The following OPN1SW variants were observed in gnomAD, a reference collection of about 807,000 sequenced individuals.
OPN1SW encodes opsin 1, short wave sensitive.
A neutral mutation model predicts 31.9 loss-of-function variants in OPN1SW; 25 were observed. The ratio of observed to expected loss-of-function variants is 0.78; its 90% CI spans 0.57 to 1.09. The LOEUF is 1.09. Among genes scored for constraint, OPN1SW ranks in the 50% least tolerant of loss-of-function variants. The pLI, the probability that OPN1SW is intolerant of heterozygous loss-of-function variation, is 0.00. For synonymous variants in OPN1SW, 190 were observed against 171.9 expected, an observed-to-expected ratio of 1.11 and a Z score of -0.82; for missense variants, 424 against 448.0, an observed-to-expected ratio of 0.95 and a Z score of 0.48.
At chr7:128,774,472 T>C (rs2128885994) in intron 3 of OPN1SW, 26 bp downstream of exon 3, 10 of 1,613,140 alleles carry the variant, frequency 6.2e-6, no homozygotes, top group Non-Finnish European at 8.5e-6. Flanking sequence ...GAACCCCTTC[T>C]TCCCTGACTA....
rs1051802434 is a variant in OPN1SW at position 128,774,544 on chromosome 7, G to C, written c.632C>G (p.Ser211Cys). The change falls in exon 3 of 5, where the codon TCC becomes TGC. Residue 211 changes from serine to cysteine, a missense_variant. Coordinates refer to ENST00000249389, the MANE Select transcript of OPN1SW (RefSeq NM_001385125.1). ...CTGAGTGTAGGAGAAGCAGATGAGGGAGAGAGGCACAATGAAGCAGAAGAT... is the reference window on the plus strand; with the variant it reads ...CTGAGTGTAGGAGAAGCAGATGAGGCAGAGAGGCACAATGAAGCAGAAGAT... ...LFIFCFIVPLSLICFSYTQLL... is the reference protein window; with the variant it reads ...LFIFCFIVPLCLICFSYTQLL... 2 of 1,614,064 alleles carry C rather than the reference G, an allele frequency of 1.2e-6. No homozygotes were observed. The highest frequency in any genetic ancestry group is 2.7e-5 in the African/African-American group (2 of 75,034).
In OPN1SW at chr7:128,775,692, G is replaced by A. The variant is rs1241924850; in HGVS notation, c.90C>T (p.Ala30=). ...CCATGAAAGCTGCCTGGAGGTAGAA[G>A]GCCCAGACAGGGGCAATGTGGTACT... ...GPQYHIAPVW[A]FYLQAAFMGT... Residue 30 remains alanine (A), a synonymous_variant, in exon 1 of 5, where the codon GCC becomes GCT. Transcript: ENST00000249389. 2 of 1,614,152 alleles carry A rather than the reference G, an allele frequency of 1.2e-6. No individual in the cohort carries two copies. Among genetic ancestry groups the A allele is most frequent in the Non-Finnish European group, 8.5e-7 (1 of 1,180,028 alleles).
chr7:128,773,685 G>T lies in OPN1SW; in HGVS notation c.882C>A (p.Ile294=), dbSNP rs768201708. 2 of 1,614,220 alleles carry T rather than the reference G, an allele frequency of 1.2e-6. No individual in the cohort carries two copies. Among genetic ancestry groups the T allele is most frequent in the Admixed American group, 3.3e-5 (2 of 60,026 alleles). The change falls in exon 4 of 5, where the codon ATC becomes ATA. Residue 294 remains isoleucine, a synonymous_variant. Transcript: ENST00000249389. ...IPSFFSKSAC[I]YNPIIYCFMN... is the part of the protein sequence containing the mutation. ...TGAAGCAGTAGATGATGGGATTGTAGATGCAAGCACTCTTGGAGAAGAATG... is the reference window on the plus strand; with the variant it reads ...TGAAGCAGTAGATGATGGGATTGTATATGCAAGCACTCTTGGAGAAGAATG...
In OPN1SW at chr7:128,775,602, T is replaced by G. The variant is rs775498016; in HGVS notation, c.180A>C (p.Lys60Asn). Residue 60 changes from lysine to asparagine, a missense_variant, in exon 1 of 5, where the codon AAA (lysine) becomes AAC (asparagine). Transcript: ENST00000249389. ...AMVLVATLRYKKLRQPLNYIL... is the reference protein window; with the variant it reads ...AMVLVATLRYNKLRQPLNYIL... ...TGTAGTTGAGGGGCTGCCGCAACTT[T>G]TTGTAGCGCAGTGTGGCCACCAGCA... 6.2e-7 allele frequency: 1 copy of G among 1,614,080 alleles called. No homozygotes were observed. The highest frequency in any genetic ancestry group is 2.2e-5 in the East Asian group (1 of 44,872).
chr7:128,774,791 G>C (rs535874516), intron 2 of OPN1SW, 128 bp from the exon 3 acceptor site: 2 of 1,418,390 alleles, frequency 1.4e-6, no homozygotes, highest in South Asian at 2.4e-5. Flanking sequence ...GGGGTTTTCT[G>C]TCCTGACTGG....
At position 128,773,671 on chromosome 7, in the gene OPN1SW, A is replaced by T; in HGVS notation, c.896T>A (p.Ile299Asn). 1 of 1,614,240 alleles carries T rather than the reference A, an allele frequency of 6.2e-7. No individual in the cohort carries two copies. The highest frequency in any genetic ancestry group is 8.5e-7 in the Non-Finnish European group (1 of 1,180,042). ...TACCTGCTTATTCATGAAGCAGTAG[A>T]TGATGGGATTGTAGATGCAAGCACT... is the stretch of plus-strand genomic sequence containing the variant. Reference protein sequence around the residue: ...SKSACIYNPIIYCFMNKQFQA... With the variant: ...SKSACIYNPINYCFMNKQFQA... The change falls in exon 4 of 5, where the codon ATC (isoleucine) becomes AAC (asparagine). Residue 299 changes from isoleucine to asparagine, a missense_variant. Transcript: ENST00000249389.
chr7:128,774,475 C>G (rs1235313710), intron 3 of OPN1SW, 23 bp downstream of exon 3: 14 of 1,613,200 alleles, frequency 8.7e-6, no homozygotes, highest in Admixed American at 3.3e-5. Context: ...CCCCTTCTTC[C>G]CTGACTATCA....
chr7:128,772,675 C>T lies in OPN1SW; in HGVS notation c.919-16G>A, dbSNP rs1801635721. On this transcript the variant is annotated splice_polypyrimidine_tract_variant and intron_variant, in intron 4 of 4. Transcript: ENST00000249389. ...AAGCTTGGAACTGGAGAGAAAGGTACAATTGGAGATAACCTTGGCAGATGA... is the reference window on the plus strand; with the variant it reads ...AAGCTTGGAACTGGAGAGAAAGGTATAATTGGAGATAACCTTGGCAGATGA... The T allele has an allele frequency of 8.1e-6, 13 of 1,613,932 alleles. No individual in the cohort carries two copies. The highest frequency in any genetic ancestry group is 1.1e-5 in the Non-Finnish European group (13 of 1,179,902).
At chr7:128,775,374 T>C in intron 1 of OPN1SW, 65 bp downstream of exon 1, 4 of 1,502,654 alleles carry the variant, frequency 2.7e-6, no homozygotes, top group Non-Finnish European at 3.6e-6. Flanking sequence ...GACTCCTCTT[T>C]AGGAACCCCC....
Position 128,774,985 on chromosome 7 carries a change from C to A in OPN1SW, c.512+1G>T, listed in dbSNP as rs2128886136. ...TCAGCACCACTGCCCTGCACTCTCA[C>A]CGGCTCCAGCCAAAGAAGGGTGGGA... On this transcript the variant is annotated splice_donor_variant, in intron 2 of 4. Transcript: ENST00000249389. LOFTEE classifies it high-confidence loss of function. The A allele has an allele frequency of 6.2e-7, 1 of 1,614,040 alleles. No individual in the cohort carries two copies. The highest frequency in any genetic ancestry group is 8.5e-7 in the Non-Finnish European group (1 of 1,180,046).
rs1329058691 is a variant in OPN1SW at position 128,772,644 on chromosome 7, T to C, written c.934A>G (p.Met312Val). The C allele has an allele frequency of 1.5e-5, 24 of 1,613,974 alleles. No individual in the cohort carries two copies. Among genetic ancestry groups the C allele is most frequent in the East Asian group, 4.5e-5 (2 of 44,886 alleles). ...ATGGCCTTCCCACACACCATCTTCATGATGCAAGCTTGGAACTGGAGAGAA... is the reference window on the plus strand; with the variant it reads ...ATGGCCTTCCCACACACCATCTTCACGATGCAAGCTTGGAACTGGAGAGAA... ...FMNKQFQACI[M>V]KMVCGKAMTD... The change falls in exon 5 of 5, where the codon ATG becomes GTG. Residue 312 changes from methionine (M) to valine (V), a missense_variant. Transcript: ENST00000249389.
Position 128,772,548 on chromosome 7 carries a change from G to A in OPN1SW, c.1030C>T (p.Pro344Ser). The change falls in exon 5 of 5, where the codon CCC becomes TCC. Residue 344 changes from proline (P) to serine (S), a missense_variant. By Grantham distance (74) the Pro-to-Ser change is moderately conservative (BLOSUM62 -1). Coordinates refer to ENST00000249389, the MANE Select transcript of OPN1SW (RefSeq NM_001385125.1). ...VSTVSSTQVG[P>S]N ...AGGCCAATATTGGGTCCTCAGTTGG[G>A]GCCAACTTGGGTAGACGAGACAGTA... The A allele has an allele frequency of 6.2e-7, 1 of 1,614,098 alleles. No homozygotes were observed. Among genetic ancestry groups the A allele is most frequent in the Non-Finnish European group, 8.5e-7 (1 of 1,180,010 alleles).
rs934525588 is a variant in OPN1SW at position 128,775,599 on chromosome 7, C to T, written c.183G>A (p.Lys61=). 1.9e-6 allele frequency: 3 copies of T among 1,614,072 alleles called. No homozygotes were observed. In the African/African-American group the frequency reaches 4.0e-5, roughly 22 times the overall value. ...MVLVATLRYK[K]LRQPLNYILV... ...GAATGTAGTTGAGGGGCTGCCGCAA[C>T]TTTTTGTAGCGCAGTGTGGCCACCA... Residue 61 remains lysine (K), a synonymous_variant, in exon 1 of 5, where the codon AAG becomes AAA. Transcript: ENST00000249389.
chr7:128,774,616 G>A lies in OPN1SW; in HGVS notation c.560C>T (p.Thr187Ile), dbSNP rs1190183515. 1.2e-6 allele frequency: 2 copies of A among 1,614,126 alleles called. No homozygotes were observed. The highest frequency in any genetic ancestry group is 1.6e-4 in the Middle Eastern group (1 of 6,062). Reference protein sequence around the residue: ...LQCSCGPDWYTVGTKYRSESY... With the variant: ...LQCSCGPDWYIVGTKYRSESY... The stretch of plus-strand genomic sequence containing the variant: ...CTCGCTGCGGTATTTGGTGCCCACG[G>A]TGTACCAGTCAGGGCCACAGGAACA... The change falls in exon 3 of 5, where the codon ACC becomes ATC. Residue 187 changes from threonine (T) to isoleucine (I), a missense_variant. By Grantham distance (89) the Thr-to-Ile change is moderately conservative (BLOSUM62 -1). Coordinates refer to ENST00000249389, the MANE Select transcript of OPN1SW (RefSeq NM_001385125.1).
At chr7:128,774,423 T>G (rs1237219215) in intron 3 of OPN1SW, 75 bp downstream of exon 3, 7 of 1,581,918 alleles carry the variant, frequency 4.4e-6, no homozygotes, top group Non-Finnish European at 5.2e-6. Context: ...TCCAGGCATC[T>G]TATGTTTCAG....
At chr7:128,773,950 T>TTC (rs1323763474) in intron 3 of OPN1SW, 62 bp from the exon 4 acceptor site, 1 of 1,532,500 alleles carries the variant, frequency 6.5e-7, no homozygotes, top group Non-Finnish European at 8.7e-7. Flanking sequence ...ATGCTTTTTT[T>TTC]TTTTTTTTTT....
chr7:128,773,768 T>G lies in OPN1SW; in HGVS notation c.799A>C (p.Met267Leu), dbSNP rs1354426390. 6.2e-7 allele frequency: 1 copy of G among 1,614,056 alleles called. No individual in the cohort carries two copies. Among genetic ancestry groups the G allele is most frequent in the African/African-American group, 1.3e-5 (1 of 74,938 alleles). The change falls in exon 4 of 5, where the codon ATG becomes CTG. Residue 267 changes from methionine (M) to leucine (L), a missense_variant. Coordinates refer to ENST00000249389, the MANE Select transcript of OPN1SW (RefSeq NM_001385125.1). ...VCYVPYAAFA[M>L]YMVNNRNHGL... ...TGGTTACGGTTGTTGACCATGTACA[T>G]GGCGAAGGCCGCGTAGGGCACGTAG... is the stretch of plus-strand genomic sequence containing the variant.
At chr7:128,774,874 G>A (rs189076327) in intron 2 of OPN1SW, 112 bp downstream of exon 2, 1 of 1,452,514 alleles carries the variant, frequency 6.9e-7, no homozygotes, top group Non-Finnish European at 9.5e-7. Flanking sequence ...GCCTCATATT[G>A]CAACTCTTTA....
chr7:128,775,136 G>A lies in OPN1SW; in HGVS notation c.362C>T (p.Ser121Leu), dbSNP rs750503736. Residue 121 changes from serine (S) to leucine (L), a missense_variant, in exon 2 of 5, where the codon TCA (serine) becomes TTA (leucine). Coordinates refer to ENST00000249389, the MANE Select transcript of OPN1SW (RefSeq NM_001385125.1). ...GCGCTCAAAGGCCAGGAAGGCCAGTGACCATCCTGTAACCAGACCTGTGGT... is the reference window on the plus strand; with the variant it reads ...GCGCTCAAAGGCCAGGAAGGCCAGTAACCATCCTGTAACCAGACCTGTGGT... ...GTVAGLVTGW[S>L]LAFLAFERYI... 1.2e-6 allele frequency: 2 copies of A among 1,614,138 alleles called. No individual in the cohort carries two copies. Among genetic ancestry groups the A allele is most frequent in the Non-Finnish European group, 1.7e-6 (2 of 1,180,040 alleles).
Sources: allele counts gnomAD v4.1 joint callset, GRCh38; gene constraint gnomAD v4.1.1; transcripts MANE v1.5; gene names NCBI Gene and HGNC (gene_info 2026-07-23, HGNC 2026-07-21).